Variants in RASEF observed in about 807,000 individuals in gnomAD.
RASEF encodes the protein RAS and EF-hand domain containing.
In RASEF, 68 loss-of-function variants were observed where a neutral mutation model predicts 90.1. The ratio of observed to expected loss-of-function variants is 0.75; its 90% confidence interval spans 0.62 to 0.92. The LOEUF (loss-of-function observed/expected upper bound fraction) is 0.92. Among genes scored for constraint, RASEF ranks in the 40% least tolerant of loss-of-function variants. The pLI, the probability that RASEF is intolerant of heterozygous loss-of-function variation, is 0.00. For missense variants in RASEF, 949 were observed against 937.2 expected, an observed-to-expected ratio of 1.01 and a Z score of -0.16; for synonymous variants, 331 against 345.2, an observed-to-expected ratio of 0.96 and a Z score of 0.46.
chr9:83,205,879 A>G, the RASEF span, among the ~76,000 whole-genome samples: 2 of 152,238 alleles, frequency 1.3e-5, no homozygotes, highest in Admixed American at 6.5e-5. Context: ...CACACCGTAT[A>G]GACATTTCCT....
chr9:83,016,717 A>C (rs1829348669), intron 3 of RASEF, among the ~76,000 whole-genome samples: 1 of 152,028 alleles, frequency 6.6e-6, no homozygotes, highest in African/African-American at 2.4e-5. Flanking sequence ...TAATACAAAA[A>C]AAGAAAAAAC....
the RASEF span, among the ~76,000 whole-genome samples, chr9:83,138,734 C>T: frequency 3.9e-5 from 6 of 152,104 alleles, no homozygotes; most frequent in Non-Finnish European, 7.4e-5. Flanking sequence ...CTTGCTCTAA[C>T]CAAGGCCTCA....
chr9:83,136,208 T>C, the RASEF span, among the ~76,000 whole-genome samples: 1 of 152,130 alleles, frequency 6.6e-6, no homozygotes, highest in African/African-American at 2.4e-5. Flanking sequence ...GAATTCTTTA[T>C]AGTTACAATC....
the RASEF span, among the ~76,000 whole-genome samples, chr9:83,100,110 G>A: frequency 1.3e-5 from 2 of 152,198 alleles, no homozygotes; most frequent in Non-Finnish European, 2.9e-5. Flanking sequence ...AGTGAAAACA[G>A]ACTAAGAATG....
the RASEF span, among the ~76,000 whole-genome samples, chr9:83,134,995 C>T: frequency 6.6e-6 from 1 of 152,004 alleles, no homozygotes; most frequent in African/African-American, 2.4e-5. Context: ...CACAGAAGGC[C>T]ACATACTGTA....
At chr9:83,088,150 G>C in the RASEF span, among the ~76,000 whole-genome samples, 2 of 152,008 alleles carry the variant, frequency 1.3e-5, no homozygotes, top group African/African-American at 4.8e-5. Context: ...TTATGTCCTA[G>C]TATCTGGTAT....
At chr9:83,185,117 C>T in the RASEF span, among the ~76,000 whole-genome samples, 4 of 152,084 alleles carry the variant, frequency 2.6e-5, no homozygotes, top group Non-Finnish European at 4.4e-5. Context: ...AAAACAAGTT[C>T]ACACAGCTTA....
At chr9:83,048,177 G>T in intron 1 of RASEF, 4 of 985,388 alleles carry the variant, frequency 4.1e-6, no homozygotes, top group Non-Finnish European at 4.8e-6. Flanking sequence ...AGCCCACAGT[G>T]TAGTAAGAGC....
the RASEF span, among the ~76,000 whole-genome samples, chr9:83,163,962 T>TA: frequency 4.8e-5 from 7 of 145,740 alleles, no homozygotes; most frequent in African/African-American, 1.3e-4. Flanking sequence ...AACACTATTT[T>TA]AAAAAAACAG....
the RASEF span, among the ~76,000 whole-genome samples, chr9:83,069,985 C>T: frequency 6.6e-6 from 1 of 152,082 alleles, no homozygotes; most frequent in African/African-American, 2.4e-5. Flanking sequence ...ATCATTTGTC[C>T]ACTTTTTATT....
the RASEF span, among the ~76,000 whole-genome samples, chr9:83,180,717 C>T: frequency 6.6e-6 from 1 of 151,950 alleles, no homozygotes; most frequent in South Asian, 2.1e-4. Flanking sequence ...GGAAATGTTG[C>T]TTTGATTGGC....
chr9:83,087,411 C>CTCTCTCTCTCTCTT, the RASEF span, among the ~76,000 whole-genome samples: 1 of 146,576 alleles, frequency 6.8e-6, no homozygotes, highest in Admixed American at 6.8e-5. Flanking sequence ...TTCATTCTCT[C>CTCTCTCTCTCTCTT]TCTCTCTCTC....
the RASEF span, among the ~76,000 whole-genome samples, chr9:83,170,761 G>A: frequency 2.6e-5 from 4 of 151,872 alleles, no homozygotes; most frequent in Non-Finnish European, 4.4e-5. Flanking sequence ...ATATCTGTAC[G>A]TTAATTTTGT....
rs538332188 is a variant in RASEF at position 83,011,415 on chromosome 9, G to A, written c.843+1019C>T. ...AAAACTCAAAAATTTAGCGGGGCGTGGTGGTGCGCATCTATAGTTCCAGCT... is the reference window on the plus strand; with the variant it reads ...AAAACTCAAAAATTTAGCGGGGCGTAGTGGTGCGCATCTATAGTTCCAGCT... On this transcript the variant is annotated intron_variant, in intron 5 of 16. Transcript: ENST00000376447. Among the ~76,000 whole-genome samples, 6 of 151,916 alleles carry A rather than the reference G, an allele frequency of 3.9e-5. 1 individual carries two copies. The highest frequency in any genetic ancestry group is 1.4e-4 in the African/African-American group (6 of 41,462).
At chr9:83,119,034 G>A in the RASEF span, among the ~76,000 whole-genome samples, 2 of 147,282 alleles carry the variant, frequency 1.4e-5, no homozygotes, top group African/African-American at 5.0e-5. Flanking sequence ...TAAAGATGGA[G>A]TCTTGCTCTG....
intron 1 of RASEF, among the ~76,000 whole-genome samples, chr9:83,053,660 C>T (rs1312229911): frequency 1.4e-5 from 2 of 141,880 alleles, no homozygotes; most frequent in African/African-American, 5.7e-5. Context: ...TACATTTTGG[C>T]ATGATTTTGC....
At chr9:83,007,679 CCTT>C (rs1182282491) in intron 6 of RASEF, among the ~76,000 whole-genome samples, 174 bp from the exon 7 acceptor site, 1 of 152,148 alleles carries the variant, frequency 6.6e-6, no homozygotes, top group East Asian at 1.9e-4. Context: ...AGCCTCCTCT[CCTT>C]CTGCGACTCC....
At chr9:83,111,753 A>G in the RASEF span, among the ~76,000 whole-genome samples, 1 of 152,080 alleles carries the variant, frequency 6.6e-6, no homozygotes, top group Non-Finnish European at 1.5e-5. Context: ...ATTGAAAAAC[A>G]GAAAAAAATG....
chr9:83,196,084 G>T, the RASEF span, among the ~76,000 whole-genome samples: 1 of 152,100 alleles, frequency 6.6e-6, no homozygotes, highest in African/African-American at 2.4e-5. Context: ...TGACTGGCAG[G>T]TGGAGTTGGA....
Sources: gnomAD v4.1 joint callset for allele counts (sites outside exome capture counted in the v4.1 genomes callset) on GRCh38, gnomAD v4.1.1 for gene constraint, MANE v1.5 for transcripts, NCBI Gene and HGNC (gene_info 2026-07-23, HGNC 2026-07-21) for gene names.